Variants in SPATA13 observed in about 807,000 individuals in gnomAD.
SPATA13 encodes spermatogenesis associated 13.
SPATA13 carries 50 observed loss-of-function variants against 104.0 expected under a neutral mutation model. The ratio of observed to expected loss-of-function variants is 0.48; its 90% CI spans 0.38 to 0.61. The LOEUF (loss-of-function observed/expected upper bound fraction) is 0.61, where lower values mean the gene tolerates loss of function less well. Among genes scored for constraint, SPATA13 ranks in the 20% least tolerant of loss-of-function variants. The probability of loss-of-function intolerance (pLI) is 0.00; values close to 1 mark genes in which losing one functional copy is unlikely to be tolerated. For missense variants in SPATA13, 1,524 were observed against 1,690.6 expected, an observed-to-expected ratio of 0.90 and a Z score of 1.73; for synonymous variants, 606 against 667.5, an observed-to-expected ratio of 0.91 and a Z score of 1.42.
intron 1 of SPATA13, among the ~76,000 whole-genome samples, chr13:24,178,035 G>A (rs984755763): frequency 2.6e-5 from 4 of 151,574 alleles, no homozygotes; most frequent in Admixed American, 2.6e-4. Context: ...TTCGTTTTTT[G>A]TAGAGATGGG....
intron 4 of SPATA13, chr13:24,252,897 C>T (rs1873574029): frequency 6.6e-6 from 1 of 152,224 alleles, no homozygotes. Flanking sequence ...CTGGCCATGG[C>T]ACTGTCCCAG....
At chr13:24,109,777 G>A (rs908447630) in intron 3 of SPATA13, among the ~76,000 whole-genome samples, 7 of 151,972 alleles carry the variant, frequency 4.6e-5, no homozygotes, top group African/African-American at 1.7e-4. Flanking sequence ...CCACTAGGAG[G>A]TTGTTTGTAC....
At chr13:24,004,872 T>C (rs1243874054) in intron 2 of SPATA13, among the ~76,000 whole-genome samples, 3 of 152,148 alleles carry the variant, frequency 2.0e-5, no homozygotes, top group African/African-American at 7.2e-5. Context: ...CCCTTCCCAT[T>C]ATCAAATTTG....
chr13:24,224,129 G>A lies in SPATA13; in HGVS notation c.1200G>A (p.Gly400=). The A allele has an allele frequency of 6.4e-7, 1 of 1,551,616 alleles. No individual in the cohort carries two copies. The highest frequency in any genetic ancestry group is 8.7e-7 in the Non-Finnish European group (1 of 1,146,980). The part of the protein sequence containing the change: ...APGFGSATSK[G]PHLDADTAVF... ...GTTTCGGCTCAGCCACCTCTAAGGG[G>A]CCCCACCTAGACGCTGACACTGCCG... Residue 400 remains glycine, a synonymous_variant, in exon 2 of 13, where the codon GGG becomes GGA. Coordinates refer to ENST00000382108, the MANE Select transcript of SPATA13 (RefSeq NM_001166271.3).
intron 3 of SPATA13, among the ~76,000 whole-genome samples, chr13:24,067,788 T>C (rs1245919120): frequency 6.6e-5 from 10 of 152,190 alleles, no homozygotes; most frequent in Admixed American, 6.5e-4. Context: ...CACTGCAACC[T>C]CTGCCTCCCA....
chr13:24,300,499 C>A (rs1337232478), intron 12 of SPATA13, 24 bp downstream of exon 12: 2 of 1,604,482 alleles, frequency 1.2e-6, no homozygotes, highest in Non-Finnish European at 1.7e-6. Context: ...AAGGCTTTGT[C>A]CCCTTAATGC....
intron 4 of SPATA13, among the ~76,000 whole-genome samples, chr13:24,271,937 G>A (rs966416840): frequency 3.3e-5 from 5 of 152,094 alleles, no homozygotes; most frequent in African/African-American, 1.2e-4. Flanking sequence ...AGACTGGTGT[G>A]TACTCCATTT....
chr13:24,170,235 C>T (rs2138503663), intron 1 of SPATA13, among the ~76,000 whole-genome samples: 1 of 152,266 alleles, frequency 6.6e-6, no homozygotes, highest in Admixed American at 6.5e-5. Flanking sequence ...ACATTGACTT[C>T]CTGAGGGCTA....
intron 3 of SPATA13, among the ~76,000 whole-genome samples, chr13:24,081,525 C>G (rs1276922024): frequency 1.3e-5 from 2 of 151,476 alleles, no homozygotes; most frequent in African/African-American, 4.9e-5. Context: ...AAAAAAAAAG[C>G]TGGCCCAGTG....
intron 1 of SPATA13, among the ~76,000 whole-genome samples, chr13:24,218,709 T>G (rs1356287098): frequency 2.2e-5 from 3 of 138,272 alleles, no homozygotes; most frequent in Admixed American, 7.2e-5. Context: ...TTATGAGGGG[T>G]TTTTTTTTTT....
chr13:23,986,090 G>A (rs1386802188), intron 2 of SPATA13, among the ~76,000 whole-genome samples: 2 of 152,112 alleles, frequency 1.3e-5, no homozygotes, highest in Non-Finnish European at 2.9e-5. Flanking sequence ...ATTTCAAGTT[G>A]GAATAATAAA....
chr13:24,019,323 C>T (rs920477362), intron 3 of SPATA13, among the ~76,000 whole-genome samples: 10 of 151,828 alleles, frequency 6.6e-5, no homozygotes, highest in Admixed American at 1.3e-4. Flanking sequence ...CTCCTGACCT[C>T]GTGATCCGCC....
At chr13:24,112,068 A>T (rs534854199) in intron 3 of SPATA13, among the ~76,000 whole-genome samples, 1 of 152,298 alleles carries the variant, frequency 6.6e-6, no homozygotes, top group African/African-American at 2.4e-5. Flanking sequence ...GCATTTTTAT[A>T]CAGTTGATGC....
At chr13:24,086,119 C>T (rs1258798980) in intron 3 of SPATA13, among the ~76,000 whole-genome samples, 1 of 152,122 alleles carries the variant, frequency 6.6e-6, no homozygotes, top group Non-Finnish European at 1.5e-5. Context: ...GCCATAAATG[C>T]CACCCGGTGA....
chr13:24,070,763 A>G lies in SPATA13; in HGVS notation c.-112+53062A>G, dbSNP rs117734224. 3.6e-3 allele frequency among the ~76,000 whole-genome samples: 549 copies of G among 152,180 alleles called. 15 individuals carry two copies. In the East Asian group the frequency reaches 0.062, roughly 17 times the overall value. ...TAGAACGGAAGGCTGACCCTCCCCC[A>G]AGTAATGAAGAATTCCCCCTCCCTG... On this transcript the variant is annotated intron_variant, in intron 3 of 14. Coordinates refer to the SPATA13 transcript ENST00000424834.
chr13:24,262,290 T>A (rs1231645459), intron 4 of SPATA13, among the ~76,000 whole-genome samples: 1 of 151,148 alleles, frequency 6.6e-6, no homozygotes, highest in African/African-American at 2.4e-5. Context: ...TTTTGTTTGT[T>A]TAAAACAAAG....
intron 1 of SPATA13, among the ~76,000 whole-genome samples, chr13:24,167,315 C>T (rs1298569283): frequency 6.6e-6 from 1 of 152,220 alleles, no homozygotes. Flanking sequence ...CAGTGTTGAA[C>T]ATGTGCCAGT....
At chr13:24,077,544 C>T (rs568905733) in intron 3 of SPATA13, among the ~76,000 whole-genome samples, 1 of 151,850 alleles carries the variant, frequency 6.6e-6, no homozygotes, top group Non-Finnish European at 1.5e-5. Context: ...GGAGAATGGA[C>T]ACTGGAAGCC....
intron 1 of SPATA13, among the ~76,000 whole-genome samples, chr13:24,221,706 A>G (rs565189094): frequency 1.5e-4 from 22 of 151,528 alleles, no homozygotes; most frequent in Non-Finnish European, 1.0e-4. Flanking sequence ...GTGGAAGTGG[A>G]TGTGTGGGAT....
Sources: allele counts gnomAD v4.1 joint callset (sites outside exome capture counted in the v4.1 genomes callset), GRCh38; gene constraint gnomAD v4.1.1; transcripts MANE v1.5; gene names NCBI Gene and HGNC (gene_info 2026-07-23, HGNC 2026-07-21).